The following MEX3C variants were observed in gnomAD, a reference collection of about 807,000 sequenced individuals.
The protein encoded by MEX3C is RNA-binding E3 ubiquitin-protein ligase MEX3C.
MEX3C carries 15 observed loss-of-function variants against 35.5 expected under a neutral mutation model. The ratio of observed to expected loss-of-function variants is 0.42; its 90% confidence interval spans 0.28 to 0.65. MEX3C has a LOEUF of 0.65. Ranked by LOEUF, MEX3C falls within the 30% of genes least tolerant of loss-of-function variation. MEX3C has a pLI of 0.20. For synonymous variants in MEX3C, 390 were observed against 352.8 expected, an observed-to-expected ratio of 1.11 and a Z score of -1.18; for missense variants, 711 against 842.8, an observed-to-expected ratio of 0.84 and a Z score of 1.94.
chr18:51,178,379 T>G (rs3829633), intron 1 of MEX3C, among the ~76,000 whole-genome samples: 53,588 of 151,282 alleles, frequency 0.35, 10,478 homozygotes, highest in Non-Finnish European at 0.45. Context: ...ACCAACTTTT[T>G]TTTTTTTTTT....
chr18:51,187,412 A>T (rs1262920123), intron 1 of MEX3C, among the ~76,000 whole-genome samples: 1 of 152,226 alleles, frequency 6.6e-6, no homozygotes, highest in African/African-American at 2.4e-5. Flanking sequence ...CAGGACTCGG[A>T]ACCTGCTGTT....
chr18:51,182,296 G>C (rs145770738), intron 1 of MEX3C, among the ~76,000 whole-genome samples: 8 of 152,190 alleles, frequency 5.3e-5, no homozygotes, highest in South Asian at 2.1e-4. Flanking sequence ...GTTGGATAAG[G>C]GGGGGACTAC....
chr18:51,176,776 G>A lies in MEX3C; in HGVS notation c.1555C>T (p.Leu519Phe), dbSNP rs1333525228. ...IWTPFEPVNPLSGFGSDPSGN... is the reference protein window; with the variant it reads ...IWTPFEPVNPFSGFGSDPSGN... ...GAAGGATCACTCCCAAAGCCAGAGA[G>A]TGGGTTAACTGGTTCAAATGGAGTC... The change falls in exon 2 of 2, where the codon CTC becomes TTC. Residue 519 changes from leucine (L) to phenylalanine (F), a missense_variant. Leu to Phe is a conservative substitution (Grantham distance 22). This residue lies in a region of MEX3C where 187 missense variants were observed against 201.7 expected (regional missense o/e 0.93). Coordinates refer to ENST00000406189, the MANE Select transcript of MEX3C (RefSeq NM_016626.5). 1.2e-6 allele frequency: 2 copies of A among 1,613,930 alleles called. No individual in the cohort carries two copies. Among genetic ancestry groups the A allele is most frequent in the African/African-American group, 1.3e-5 (1 of 74,942 alleles).
chr18:51,179,895 G>A lies in MEX3C; in HGVS notation c.755-2319C>T, dbSNP rs536597802. Among the ~76,000 whole-genome samples, 9 of 152,254 alleles carry A rather than the reference G, an allele frequency of 5.9e-5. No individual in the cohort carries two copies. In the East Asian group the frequency reaches 1.7e-3, roughly 29 times the overall value. On this transcript the variant is annotated intron_variant, in intron 1 of 1. Transcript: ENST00000406189. ...GGGGAGTTACTATTTGGATATGTAA[G>A]TTCACAGTGGGCTACAACTTGACAA...
intron 1 of MEX3C, among the ~76,000 whole-genome samples, chr18:51,191,952 T>C (rs1318354065): frequency 6.6e-6 from 1 of 152,220 alleles, no homozygotes; most frequent in East Asian, 1.9e-4. Context: ...TAAGCTACGA[T>C]ATTAAAATAC....
In MEX3C at chr18:51,186,236, G is replaced by C. The variant is rs553131789; in HGVS notation, c.755-8660C>G. Among the ~76,000 whole-genome samples, 471 of 152,166 alleles carry C rather than the reference G, an allele frequency of 3.1e-3. 2 individuals are homozygous for C. The highest frequency in any genetic ancestry group is 6.8e-3 in the Middle Eastern group (2 of 294). On this transcript the variant is annotated intron_variant, in intron 1 of 1. Transcript: ENST00000406189. ...TTTCTGCTCTCAAGCTTAGTCTAGA[G>C]GGAAAAAAGTAAAGCAACACTGAAT... is the stretch of plus-strand genomic sequence containing the variant.
chr18:51,195,837 T>A (rs1334840544), intron 1 of MEX3C: 8 of 152,266 alleles, frequency 5.3e-5, no homozygotes, highest in Non-Finnish European at 1.0e-4. Context: ...GAGAATTAAC[T>A]GAAAACTGTA....
In MEX3C at chr18:51,174,872, A is replaced by G. The variant is rs1168239447; in HGVS notation, c.*1479T>C. 6.5e-6 allele frequency: 1 copy of G among 152,672 alleles called. No individual in the cohort carries two copies. The highest frequency in any genetic ancestry group is 1.5e-5 in the Non-Finnish European group (1 of 68,040). The allele number at this position is 152,672 out of a possible 1,614,324, so 9.5% of individuals were successfully genotyped here. Reference sequence around the variant, plus strand: ...GTCGATTCCTTGGCTTATTAGTTGCAGTGTACAATGCAACAAAATACAAAA... The same window carrying G: ...GTCGATTCCTTGGCTTATTAGTTGCGGTGTACAATGCAACAAAATACAAAA... On this transcript the variant is annotated 3_prime_UTR_variant, in exon 2 of 2. Transcript: ENST00000406189.
chr18:51,182,301 G>T (rs987953925), intron 1 of MEX3C, among the ~76,000 whole-genome samples: 3 of 152,148 alleles, frequency 2.0e-5, no homozygotes, highest in African/African-American at 7.2e-5. Flanking sequence ...ATAAGGGGGG[G>T]ACTACTGTAC....
At chr18:51,189,298 C>CT (rs1314496691) in intron 1 of MEX3C, among the ~76,000 whole-genome samples, 1 of 152,126 alleles carries the variant, frequency 6.6e-6, no homozygotes, top group Non-Finnish European at 1.5e-5. Flanking sequence ...TTTAGGGACT[C>CT]TCTTTGGACA....
intron 1 of MEX3C, among the ~76,000 whole-genome samples, chr18:51,183,986 G>A (rs1912482062): frequency 6.6e-6 from 1 of 152,116 alleles, no homozygotes; most frequent in South Asian, 2.1e-4. Flanking sequence ...GGGCAACAGA[G>A]TGAGACCCTG....
In MEX3C at chr18:51,177,668, T is replaced by C; in HGVS notation, c.755-92A>G. 4 of 1,384,684 alleles carry C rather than the reference T, an allele frequency of 2.9e-6. No individual in the cohort carries two copies. Among genetic ancestry groups the C allele is most frequent in the Non-Finnish European group, 3.9e-6 (4 of 1,029,330 alleles). 85.8% of individuals were successfully genotyped at this position (1,384,684 alleles called of 1,614,324 possible). A position where few individuals can be genotyped will look rare whatever the true frequency, so the allele number is the denominator to read the frequency against. ...CAGAATGCACCTTTTAAGCTAAATA[T>C]CTGGTTATGGGTTAAGTTTTAGAGT... On this transcript the variant is annotated intron_variant, in intron 1 of 1. Transcript: ENST00000406189. This position sits in a 1 kb window ranked among gnomAD's most constrained non-coding sequence, Gnocchi z 4.2.
chr18:51,178,874 C>G (rs1478986695), intron 1 of MEX3C, among the ~76,000 whole-genome samples: 2 of 149,268 alleles, frequency 1.3e-5, no homozygotes, highest in African/African-American at 2.5e-5. Flanking sequence ...AAAAAAAAAA[C>G]CAAACAAACA....
At chr18:51,188,447 T>C (rs1219263950) in intron 1 of MEX3C, among the ~76,000 whole-genome samples, 1 of 151,902 alleles carries the variant, frequency 6.6e-6, no homozygotes, top group East Asian at 1.9e-4. Context: ...ACCCCGTCTC[T>C]ACCAAAAATA....
chr18:51,176,720 A>C lies in MEX3C; in HGVS notation c.1611T>G (p.Ser537Arg), dbSNP rs1424496625. ...GAGACAGACGAGGAGTAGATGGCTG[A>C]CTTCCTCTGCGCTGAGTCTTCATGT... Reference protein sequence around the residue: ...SGNMKTQRRGSQPSTPRLSPT... With the variant: ...SGNMKTQRRGRQPSTPRLSPT... The change falls in exon 2 of 2, where the codon AGT (serine) becomes AGG (arginine). Residue 537 changes from serine to arginine, a missense_variant. Transcript: ENST00000406189. The C allele has an allele frequency of 2.5e-6, 4 of 1,613,918 alleles. No individual in the cohort carries two copies. The highest frequency in any genetic ancestry group is 3.4e-6 in the Non-Finnish European group (4 of 1,179,902).
rs1448000915 is a variant in MEX3C, at chr18:51,190,211, C to T, written c.754+6356G>A. Among the ~76,000 whole-genome samples, 5 of 152,184 alleles carry T rather than the reference C, an allele frequency of 3.3e-5. No individual in the cohort carries two copies. The South Asian group carries it at 1.0e-3, about 32-fold the overall frequency. On this transcript the variant is annotated intron_variant, in intron 1 of 1. Transcript: ENST00000406189. ...TATCCAAGGTCACAGGCAGCAAGTGCAAAACACAAGGTTTCTAACTCCAAG... is the reference window on the plus strand; with the variant it reads ...TATCCAAGGTCACAGGCAGCAAGTGTAAAACACAAGGTTTCTAACTCCAAG...
chr18:51,193,856 T>C (rs1158429695), intron 1 of MEX3C: 1 of 152,240 alleles, frequency 6.6e-6, no homozygotes, highest in Non-Finnish European at 1.5e-5. Flanking sequence ...TGCTAGTCTA[T>C]GTGACTCAGA....
intron 1 of MEX3C, among the ~76,000 whole-genome samples, chr18:51,191,028 TTTTTTA>T (rs1435392752): frequency 1.3e-5 from 2 of 152,166 alleles, no homozygotes; most frequent in East Asian, 1.9e-4. Flanking sequence ...TTAAAAAGCT[TTTTTTA>T]TTTTTAAGTG....
At chr18:51,178,203 C>A (rs769678010) in intron 1 of MEX3C, among the ~76,000 whole-genome samples, 5 of 152,070 alleles carry the variant, frequency 3.3e-5, no homozygotes, top group Non-Finnish European at 5.9e-5. Flanking sequence ...ACAGATACTG[C>A]AGATTGTATG....
Sources: allele counts gnomAD v4.1 joint callset (sites outside exome capture counted in the v4.1 genomes callset), GRCh38; gene constraint gnomAD v4.1.1; regional missense constraint gnomAD v4.1.1; non-coding constraint Gnocchi (gnomAD v3.1); transcripts MANE v1.5; gene names NCBI Gene and HGNC (gene_info 2026-07-23, HGNC 2026-07-21).